The following PARP8 variants were observed in gnomAD, a reference collection of about 807,000 sequenced individuals.
The protein encoded by PARP8 is protein mono-ADP-ribosyltransferase PARP8.
In PARP8, 51 loss-of-function variants were observed where a neutral mutation model predicts 124.1. That is an observed-to-expected ratio of 0.41 (90% CI 0.33 to 0.52). PARP8 has a LOEUF of 0.52. PARP8 is among the 20% of genes least tolerant of loss of function. PARP8 has a pLI of 0.21. For missense variants in PARP8, 860 were observed against 1,018.9 expected (o/e 0.84, Z 2.12); for synonymous variants, 391 against 361.5 (o/e 1.08, Z -0.93).
chr5:50,833,868 T>C (rs1747266164), intron 23 of PARP8, 111 bp from the exon 24 acceptor site: 1 of 741,200 alleles, frequency 1.3e-6, no homozygotes, highest in South Asian at 1.7e-5. Context: ...AGATAGGCTT[T>C]TTTTTTTTGA....
At position 50,778,616 on chromosome 5, in the gene PARP8, A is replaced by G. The variant is rs1444765063; in HGVS notation, c.636A>G (p.Leu212=). The G allele has an allele frequency of 6.8e-6, 11 of 1,608,536 alleles. No homozygotes were observed. Among genetic ancestry groups the G allele is most frequent in the Non-Finnish European group, 9.3e-6 (11 of 1,177,878 alleles). Residue 212 remains leucine (L), a synonymous_variant, in exon 9 of 26, where the codon CTA becomes CTG. Coordinates refer to ENST00000281631, the MANE Select transcript of PARP8 (RefSeq NM_024615.4). The part of the protein sequence containing the change: ...VIRTEPIIVR[L]HCSLTQYLNG... ...GAACAGAACCTATAATTGTTCGACT[A>G]CACTGTTCACTTACACAGTATTTAA...
intron 7 of PARP8, among the ~76,000 whole-genome samples, chr5:50,768,447 T>A (rs1761265710): frequency 1.3e-5 from 2 of 152,212 alleles, no homozygotes; most frequent in African/African-American, 4.8e-5. Flanking sequence ...ATTTAATATG[T>A]CACTACATGT....
intron 2 of PARP8, among the ~76,000 whole-genome samples, chr5:50,701,991 A>G (rs1284158062): frequency 6.6e-6 from 1 of 152,186 alleles, no homozygotes; most frequent in African/African-American, 2.4e-5. Flanking sequence ...GGAAAGATAA[A>G]CTATTACATT....
intron 10 of PARP8, among the ~76,000 whole-genome samples, chr5:50,793,131 T>C (rs1332435907): frequency 7.2e-5 from 11 of 152,292 alleles, no homozygotes; most frequent in African/African-American, 2.6e-4. Context: ...CTCTGAAAAT[T>C]AGAGGCAAAA....
At chr5:50,686,629 C>G (rs1579953251) in intron 2 of PARP8, among the ~76,000 whole-genome samples, 1 of 152,224 alleles carries the variant, frequency 6.6e-6, no homozygotes, top group Non-Finnish European at 1.5e-5. Context: ...GCCCTGCCCC[C>G]TACAGCATAC....
At chr5:50,703,808 G>A (rs1388362280) in intron 2 of PARP8, among the ~76,000 whole-genome samples, 1 of 152,058 alleles carries the variant, frequency 6.6e-6, no homozygotes. Flanking sequence ...CTACTCTGGA[G>A]GCTGAGGTGG....
intron 14 of PARP8, among the ~76,000 whole-genome samples, chr5:50,812,180 A>G (rs1744534646): frequency 6.6e-6 from 1 of 152,180 alleles, no homozygotes; most frequent in South Asian, 2.1e-4. Context: ...TGTCTTCCAC[A>G]GTGGTTAAAC....
chr5:50,758,488 T>TA (rs1760199077), intron 3 of PARP8, among the ~76,000 whole-genome samples: 1 of 152,132 alleles, frequency 6.6e-6, no homozygotes, highest in South Asian at 2.1e-4. Flanking sequence ...AATAATGACT[T>TA]AGAGATGTAT....
chr5:50,814,181 G>T (rs988786971), intron 14 of PARP8, among the ~76,000 whole-genome samples: 1 of 152,060 alleles, frequency 6.6e-6, no homozygotes, highest in African/African-American at 2.4e-5. Context: ...GTAAGTGGTT[G>T]CCACTCTTAT....
At chr5:50,735,757 G>A (rs1318580751) in intron 2 of PARP8, among the ~76,000 whole-genome samples, 1 of 151,950 alleles carries the variant, frequency 6.6e-6, no homozygotes, top group Non-Finnish European at 1.5e-5. Flanking sequence ...GGAGAAAGAA[G>A]CATTAATCTG....
chr5:50,813,074 G>A (rs574445104), intron 14 of PARP8, among the ~76,000 whole-genome samples: 1 of 152,252 alleles, frequency 6.6e-6, no homozygotes, highest in African/African-American at 2.4e-5. Flanking sequence ...TTAACAATGT[G>A]GGCTCTTTTT....
chr5:50,668,275 G>T, intron 2 of PARP8, 150 bp downstream of exon 2: 1 of 710,552 alleles, frequency 1.4e-6, no homozygotes, highest in South Asian at 1.6e-5. Flanking sequence ...GACGTCCCTC[G>T]GTTTTAAATA....
intron 10 of PARP8, among the ~76,000 whole-genome samples, chr5:50,788,984 A>G (rs1361863046): frequency 6.6e-6 from 1 of 152,118 alleles, no homozygotes; most frequent in African/African-American, 2.4e-5. Flanking sequence ...CTTCCACTGA[A>G]GCCTGCTGCT....
chr5:50,828,176 G>T (rs1746552886), intron 20 of PARP8, 120 bp downstream of exon 20: 1 of 1,096,634 alleles, frequency 9.1e-7, no homozygotes, highest in African/African-American at 1.6e-5. Flanking sequence ...TCAACAGATG[G>T]TCATGTAGTC....
At chr5:50,669,308 A>G (rs1411230496) in intron 2 of PARP8, 1 of 152,164 alleles carries the variant, frequency 6.6e-6, no homozygotes, top group Non-Finnish European at 1.5e-5. Flanking sequence ...ATTCAATGAG[A>G]GGAGACTTGG....
intron 25 of PARP8, among the ~76,000 whole-genome samples, chr5:50,837,240 G>C (rs376195676): frequency 6.6e-6 from 1 of 152,054 alleles, no homozygotes; most frequent in East Asian, 1.9e-4. Context: ...ACACAAATGA[G>C]ATTTCATCCT....
intron 4 of PARP8, 52 bp downstream of exon 4, chr5:50,759,784 CT>C (rs1418677571): frequency 4.7e-6 from 7 of 1,504,230 alleles, no homozygotes; most frequent in African/African-American, 1.5e-5. Context: ...ATTGCATTAT[CT>C]TTTTTTGTTT....
chr5:50,832,917 G>A (rs1276344144), intron 23 of PARP8, 63 bp downstream of exon 23: 179 of 1,482,220 alleles, frequency 1.2e-4, no homozygotes, highest in Non-Finnish European at 1.4e-4. Flanking sequence ...AGCCAGCAGA[G>A]CATGGAAAAA....
At position 50,731,759 on chromosome 5, in the gene PARP8, A is replaced by G. The variant is rs540143614; in HGVS notation, c.147-18392A>G. The stretch of plus-strand genomic sequence containing the variant: ...TCTTAGGTATTAAAACTTGAAATAT[A>G]TAGGTTGGATACAGCTCCTTATCTA... On this transcript the variant is annotated intron_variant, in intron 2 of 25. Transcript: ENST00000281631. Among the ~76,000 whole-genome samples the G allele has an allele frequency of 2.2e-4, 34 of 152,326 alleles. No individual in the cohort carries two copies. In the South Asian group the frequency reaches 6.6e-3, roughly 30 times the overall value.
Sources: allele counts gnomAD v4.1 joint callset (sites outside exome capture counted in the v4.1 genomes callset), GRCh38; gene constraint gnomAD v4.1.1; transcripts MANE v1.5; gene names NCBI Gene and HGNC (gene_info 2026-07-23, HGNC 2026-07-21).